Variants in TRIM33 observed in about 807,000 individuals in gnomAD.
TRIM33 encodes the protein E3 ubiquitin-protein ligase TRIM33.
TRIM33 carries 20 observed loss-of-function variants against 125.4 expected under a neutral mutation model. That is an observed-to-expected ratio of 0.16 (90% CI 0.11 to 0.23). The LOEUF is 0.23. TRIM33 is among the 10% of genes least tolerant of loss of function. The probability of loss-of-function intolerance (pLI) is 1.00; values close to 1 mark genes in which losing one functional copy is unlikely to be tolerated. For missense variants in TRIM33, 920 were observed against 1,411.4 expected (o/e 0.65, Z 5.58); for synonymous variants, 564 against 513.9 (o/e 1.10, Z -1.32).
chr1:114,479,884 G>A (rs1048975439), intron 1 of TRIM33, among the ~76,000 whole-genome samples: 6 of 92,222 alleles, frequency 6.5e-5, no homozygotes, highest in African/African-American at 2.5e-4. Flanking sequence ...CCACCCGGCC[G>A]CCGCCCCATC....
intron 15 of TRIM33, 75 bp from the exon 16 acceptor site, chr1:114,402,958 G>A (rs903172645): frequency 8.2e-5 from 112 of 1,369,540 alleles, no homozygotes; most frequent in Non-Finnish European, 1.0e-4. Flanking sequence ...TCCCTGGACT[G>A]GGGCCTGGTT....
intron 4 of TRIM33, among the ~76,000 whole-genome samples, chr1:114,446,784 G>A (rs1557870718): frequency 6.6e-6 from 1 of 152,146 alleles, no homozygotes; most frequent in Non-Finnish European, 1.5e-5. Context: ...GCCTGGCATG[G>A]TGGCTCATGC....
intron 1 of TRIM33, among the ~76,000 whole-genome samples, chr1:114,497,662 C>A (rs114031632): frequency 9.5e-4 from 145 of 152,092 alleles, no homozygotes; most frequent in African/African-American, 3.3e-3. Context: ...ATATAAAAAT[C>A]ATTCTTGGCT....
At chr1:114,405,314 T>G in intron 15 of TRIM33, 96 bp downstream of exon 15, 1 of 873,782 alleles carries the variant, frequency 1.1e-6, no homozygotes, top group Non-Finnish European at 1.8e-6. Flanking sequence ...AGAAATACTA[T>G]GCACTGGTTA....
intron 4 of TRIM33, 81 bp from the exon 5 acceptor site, chr1:114,433,814 A>T: frequency 1.2e-6 from 1 of 852,150 alleles, no homozygotes; most frequent in Non-Finnish European, 1.9e-6. Flanking sequence ...TAAATGAGTC[A>T]ATCTTGAAAC....
At chr1:114,483,913 G>A (rs1283349091) in intron 1 of TRIM33, among the ~76,000 whole-genome samples, 1 of 152,118 alleles carries the variant, frequency 6.6e-6, no homozygotes, top group Non-Finnish European at 1.5e-5. Context: ...AAGAGGAGAT[G>A]AAAACGATGC....
intron 11 of TRIM33, among the ~76,000 whole-genome samples, chr1:114,415,471 T>C (rs767775716): frequency 6.6e-6 from 1 of 152,188 alleles, no homozygotes. Flanking sequence ...ATATCTGCCT[T>C]CTAACTAACC....
chr1:114,463,725 T>TA (rs1650126232), intron 2 of TRIM33, among the ~76,000 whole-genome samples, 169 bp from the exon 3 acceptor site: 1 of 151,252 alleles, frequency 6.6e-6, no homozygotes, highest in South Asian at 2.1e-4. Context: ...TTCATGTAGG[T>TA]AAAAATCTAA....
chr1:114,474,140 ATCC>A (rs367990082), intron 1 of TRIM33, among the ~76,000 whole-genome samples: 19 of 152,172 alleles, frequency 1.2e-4, no homozygotes, highest in Admixed American at 3.3e-4. Context: ...GCCTCAAGCA[ATCC>A]TCCCGCTTCA....
At chr1:114,420,648 TTTTG>T (rs1439324840) in intron 11 of TRIM33, among the ~76,000 whole-genome samples, 5 of 152,244 alleles carry the variant, frequency 3.3e-5, no homozygotes, top group South Asian at 2.1e-4. Context: ...CTTAACTCTT[TTTTG>T]TTTAACTGGC....
intron 1 of TRIM33, chr1:114,490,847 A>G (rs1399072288): frequency 6.6e-6 from 1 of 152,184 alleles, no homozygotes; most frequent in Non-Finnish European, 1.5e-5. Context: ...AAGTATTTAA[A>G]AAAAGAATGA....
chr1:114,497,152 T>C (rs1327269848), intron 1 of TRIM33, among the ~76,000 whole-genome samples: 1 of 152,256 alleles, frequency 6.6e-6, no homozygotes, highest in African/African-American at 2.4e-5. Flanking sequence ...TCACTGCAAT[T>C]TGTAATGTAC....
chr1:114,408,029 C>CCCAAAGGAAGTATATGCCA (rs1450752741), intron 13 of TRIM33, among the ~76,000 whole-genome samples: 2 of 152,072 alleles, frequency 1.3e-5, no homozygotes, highest in East Asian at 3.9e-4. Context: ...CATAATTCGC[C>CCCAAAGGAAGTATATGCCA]CCAAAGGAAG....
chr1:114,487,004 T>C (rs1354498414), intron 1 of TRIM33, among the ~76,000 whole-genome samples: 1 of 151,486 alleles, frequency 6.6e-6, no homozygotes, highest in African/African-American at 2.4e-5. Flanking sequence ...GGCGAATCAC[T>C]TGAACCCAGG....
intron 1 of TRIM33, among the ~76,000 whole-genome samples, chr1:114,493,960 G>T (rs1652221251): frequency 6.6e-6 from 1 of 152,106 alleles, no homozygotes; most frequent in Admixed American, 6.6e-5. Context: ...CAAGTAGCGG[G>T]ATTACAAGCA....
intron 10 of TRIM33, 112 bp from the exon 11 acceptor site, chr1:114,421,748 C>A: frequency 1.0e-6 from 1 of 982,160 alleles, no homozygotes; most frequent in South Asian, 1.6e-5. Flanking sequence ...AAGAAGTGGG[C>A]CCTTTCAAAC....
At chr1:114,449,435 A>G (rs1009669810) in intron 4 of TRIM33, among the ~76,000 whole-genome samples, 4 of 152,204 alleles carry the variant, frequency 2.6e-5, no homozygotes, top group African/African-American at 9.7e-5. Context: ...GGAGTGTGGC[A>G]CTTGTGGCAC....
At chr1:114,416,299 T>C (rs1385048131) in intron 11 of TRIM33, among the ~76,000 whole-genome samples, 4 of 152,202 alleles carry the variant, frequency 2.6e-5, no homozygotes, top group Non-Finnish European at 5.9e-5. Flanking sequence ...ATGAGATACA[T>C]GTACTGTACC....
intron 4 of TRIM33, among the ~76,000 whole-genome samples, chr1:114,448,763 G>A (rs562710872): frequency 1.1e-4 from 17 of 152,268 alleles, no homozygotes; most frequent in African/African-American, 4.1e-4. Context: ...CTGTGTGGTT[G>A]AATAATTGTA....
Sources: allele counts gnomAD v4.1 joint callset (sites outside exome capture counted in the v4.1 genomes callset), GRCh38; gene constraint gnomAD v4.1.1; transcripts MANE v1.5; gene names NCBI Gene and HGNC (gene_info 2026-07-23, HGNC 2026-07-21).